The following SHLD1 variants were observed in gnomAD, a reference collection of about 807,000 sequenced individuals.
SHLD1 encodes the protein RINN1-REV7-interacting novel NHEJ regulator 3.
Under a neutral mutation model 5.5 loss-of-function variants are expected in SHLD1, and 3 were observed. The ratio of observed to expected loss-of-function variants is 0.54; its 90% CI spans 0.25 to 1.40. SHLD1 has a LOEUF of 1.40. Ranked by LOEUF, SHLD1 falls within the 40% of genes most tolerant of loss-of-function variation. The pLI is 0.15. For synonymous variants in SHLD1, 92 were observed against 94.3 expected (o/e 0.98, Z 0.14); for missense variants, 210 against 244.4 (o/e 0.86, Z 0.94).
At chr20:5,829,193 A>G (rs2087700218) in intron 2 of SHLD1, among the ~76,000 whole-genome samples, 1 of 152,180 alleles carries the variant, frequency 6.6e-6, no homozygotes, top group African/African-American at 2.4e-5. Context: ...ATTATTAATT[A>G]ATGAGTTCAG....
chr20:5,773,255 G>A, intron 2 of SHLD1: 2 of 679,618 alleles, frequency 2.9e-6, no homozygotes, highest in East Asian at 2.7e-5. Flanking sequence ...TTTCCTGGAT[G>A]TCTTTTTGTT....
At chr20:5,820,832 G>A (rs1400949176) in intron 2 of SHLD1, among the ~76,000 whole-genome samples, 3 of 152,170 alleles carry the variant, frequency 2.0e-5, no homozygotes, top group African/African-American at 7.2e-5. Context: ...CAGTGTTCTG[G>A]AGAAAGAGAC....
intron 2 of SHLD1, among the ~76,000 whole-genome samples, chr20:5,799,526 TG>T (rs2087261874): frequency 6.9e-6 from 1 of 145,958 alleles, no homozygotes; most frequent in African/African-American, 2.6e-5. Context: ...TTGCCCAGGC[TG>T]GTCTCAAAAC....
intron 1 of SHLD1, among the ~76,000 whole-genome samples, chr20:5,764,180 A>T (rs1187198369): frequency 4.7e-4 from 27 of 56,884 alleles, no homozygotes; most frequent in African/African-American, 1.3e-3. Flanking sequence ...ATATATTTTT[A>T]TATATATATA....
chr20:5,764,224 T>TATA (rs1228604146), intron 1 of SHLD1, among the ~76,000 whole-genome samples: 20 of 140,428 alleles, frequency 1.4e-4, no homozygotes, highest in African/African-American at 5.4e-4. Context: ...TGTGTGTATA[T>TATA]ATATATATAT....
intron 1 of SHLD1, chr20:5,756,868 T>C (rs996296907): frequency 1.0e-5 from 2 of 195,378 alleles, no homozygotes; most frequent in Non-Finnish European, 2.2e-5. Flanking sequence ...TATCTGCTAA[T>C]AGAGATAGTT....
chr20:5,857,362 A>T (rs2088101907), intron 2 of SHLD1, among the ~76,000 whole-genome samples: 1 of 152,220 alleles, frequency 6.6e-6, no homozygotes, highest in Non-Finnish European at 1.5e-5. Context: ...AGCCTCCAAC[A>T]GACCAACCAA....
In SHLD1 at chr20:5,855,396, G is replaced by C. The variant is rs1160042011; in HGVS notation, c.179-7628G>C. On this transcript the variant is annotated intron_variant, in intron 2 of 2. Coordinates refer to ENST00000303142, the MANE Select transcript of SHLD1 (RefSeq NM_152504.4). The surrounding 1 kb of genome is among the most constrained non-coding windows in gnomAD (Gnocchi z 4.4). The stretch of plus-strand genomic sequence containing the variant: ...TTTATTTTGTTTTATTTTTGAGACA[G>C]AGTCTCGCTCTGTCACCTAGACTGG... 6.6e-6 allele frequency among the ~76,000 whole-genome samples: 1 copy of C among 152,130 alleles called. No homozygotes were observed. The highest frequency in any genetic ancestry group is 1.5e-5 in the Non-Finnish European group (1 of 68,024).
At chr20:5,814,490 G>A (rs1041715607) in intron 2 of SHLD1, among the ~76,000 whole-genome samples, 1 of 151,976 alleles carries the variant, frequency 6.6e-6, no homozygotes, top group Non-Finnish European at 1.5e-5. Context: ...ATTCTTCTGA[G>A]CACAGTCCCT....
chr20:5,763,142 A>G (rs911703781), intron 1 of SHLD1, among the ~76,000 whole-genome samples: 3 of 151,914 alleles, frequency 2.0e-5, no homozygotes, highest in African/African-American at 7.3e-5. Context: ...CCCCGTCTCT[A>G]CTAAAAACAC....
At chr20:5,832,233 G>T (rs538339508) in intron 2 of SHLD1, among the ~76,000 whole-genome samples, 4 of 152,184 alleles carry the variant, frequency 2.6e-5, no homozygotes, top group Non-Finnish European at 5.9e-5. Context: ...GAGCCTCTGC[G>T]CTGGGCCTCT....
chr20:5,862,968 G>A (rs1377329289), intron 2 of SHLD1, 56 bp from the exon 3 acceptor site: 6 of 1,465,162 alleles, frequency 4.1e-6, no homozygotes. Context: ...CTCTTGGCTT[G>A]CTTTCTGATA....
Position 5,839,533 on chromosome 20 carries a change from TA to T in SHLD1, c.179-23490del, listed in dbSNP as rs1209673648. On this transcript the variant is annotated intron_variant, in intron 2 of 2. Transcript: ENST00000303142. ...GATAGATAGATAGATAGATGATAGA[TA>T]GACAGATAGACAGAAAAGCAGACCA... Among the ~76,000 whole-genome samples the T allele has an allele frequency of 9.2e-4, 132 of 143,660 alleles. 1 individual carries two copies. The highest frequency in any genetic ancestry group is 2.5e-3 in the African/African-American group (97 of 38,966). 94.2% of individuals were successfully genotyped at this position (143,660 alleles called of 152,430 possible).
At chr20:5,817,949 G>T (rs1406959281) in intron 2 of SHLD1, among the ~76,000 whole-genome samples, 1 of 152,058 alleles carries the variant, frequency 6.6e-6, no homozygotes, top group African/African-American at 2.4e-5. Flanking sequence ...GAACACTGGG[G>T]GCAATTGTAG....
intron 1 of SHLD1, among the ~76,000 whole-genome samples, chr20:5,750,681 G>T (rs1198248974): frequency 6.6e-6 from 1 of 152,018 alleles, no homozygotes; most frequent in African/African-American, 2.4e-5. Flanking sequence ...TTTGTGGATA[G>T]TGAGTATGGA....
intron 2 of SHLD1, among the ~76,000 whole-genome samples, chr20:5,838,426 A>C (rs1386591726): frequency 6.6e-6 from 1 of 152,252 alleles, no homozygotes; most frequent in Non-Finnish European, 1.5e-5. Flanking sequence ...AGCTATGAGT[A>C]TATATTATGT....
chr20:5,766,466 T>C (rs1984833774), intron 1 of SHLD1, among the ~76,000 whole-genome samples: 1 of 152,202 alleles, frequency 6.6e-6, no homozygotes, highest in African/African-American at 2.4e-5. Context: ...CCTAATCGCA[T>C]GGTAGTTTAG....
At chr20:5,844,834 G>T (rs1301044714) in intron 2 of SHLD1, among the ~76,000 whole-genome samples, 1 of 128,582 alleles carries the variant, frequency 7.8e-6, no homozygotes, top group Non-Finnish European at 1.6e-5. Context: ...TCACTCTGTC[G>T]CCTAGGCTGG....
intron 1 of SHLD1, among the ~76,000 whole-genome samples, chr20:5,769,130 C>T (rs1314792842): frequency 1.3e-5 from 2 of 152,122 alleles, no homozygotes; most frequent in Non-Finnish European, 2.9e-5. Context: ...TGGTCTTCAA[C>T]TCCTGGGCTC....
Sources: gnomAD v4.1 joint callset for allele counts (sites outside exome capture counted in the v4.1 genomes callset) on GRCh38, gnomAD v4.1.1 for gene constraint, Gnocchi (gnomAD v3.1) non-coding constraint, MANE v1.5 for transcripts, NCBI Gene and HGNC (gene_info 2026-07-23, HGNC 2026-07-21) for gene names.